Variants in CCSER1 observed in about 807,000 individuals in gnomAD.
CCSER1 encodes coiled-coil serine rich protein 1.
CCSER1 carries 41 observed loss-of-function variants against 82.0 expected under a neutral mutation model. The observed-to-expected ratio is 0.50, with a 90% CI of 0.39 to 0.65. The LOEUF (loss-of-function observed/expected upper bound fraction) is 0.65. Among genes scored for constraint, CCSER1 ranks in the 30% least tolerant of loss-of-function variants. CCSER1 has a pLI of 0.00. For missense variants in CCSER1, 1,119 were observed against 1,064.2 expected, an observed-to-expected ratio of 1.05 and a Z score of -0.72; for synonymous variants, 414 against 383.9, an observed-to-expected ratio of 1.08 and a Z score of -0.92.
intron 1 of CCSER1, among the ~76,000 whole-genome samples, chr4:90,265,055 C>T (rs889153445): frequency 6.6e-6 from 1 of 151,954 alleles, no homozygotes. Context: ...TCTTGTATCT[C>T]AGATAGCTTA....
chr4:91,211,771 C>T (rs1736842132), intron 10 of CCSER1, among the ~76,000 whole-genome samples: 1 of 152,008 alleles, frequency 6.6e-6, no homozygotes, highest in East Asian at 1.9e-4. Context: ...TAATTTAAAA[C>T]AAAGTGATTA....
chr4:91,364,306 G>C (rs1216320470), intron 10 of CCSER1, among the ~76,000 whole-genome samples: 1 of 151,872 alleles, frequency 6.6e-6, no homozygotes, highest in Non-Finnish European at 1.5e-5. Flanking sequence ...ATTAGGCCTA[G>C]AAAAGACTAA....
chr4:91,227,264 C>G (rs2149109434), intron 10 of CCSER1, among the ~76,000 whole-genome samples: 1 of 151,568 alleles, frequency 6.6e-6, no homozygotes, highest in Admixed American at 6.6e-5. Context: ...ATAGCTACAA[C>G]TTAAAACAAC....
chr4:90,476,501 T>G (rs1439209223), intron 5 of CCSER1, among the ~76,000 whole-genome samples: 1 of 152,148 alleles, frequency 6.6e-6, no homozygotes, highest in Admixed American at 6.5e-5. Context: ...AACTATGCTG[T>G]ATTACTGGTA....
At chr4:91,116,579 G>A (rs1726625811) in intron 10 of CCSER1, among the ~76,000 whole-genome samples, 2 of 152,148 alleles carry the variant, frequency 1.3e-5, no homozygotes, top group African/African-American at 4.8e-5. Flanking sequence ...AGAATTAAAT[G>A]GGCCAAAATA....
At chr4:90,947,005 T>C (rs1024324983) in intron 9 of CCSER1, among the ~76,000 whole-genome samples, 2 of 152,220 alleles carry the variant, frequency 1.3e-5, no homozygotes, top group Non-Finnish European at 2.9e-5. Context: ...CCTCCTCTGT[T>C]ATGTTGCAGT....
chr4:91,229,997 TA>T (rs957086327), intron 10 of CCSER1, among the ~76,000 whole-genome samples: 5 of 152,006 alleles, frequency 3.3e-5, no homozygotes, highest in Non-Finnish European at 7.4e-5. Flanking sequence ...AACTTAAAGT[TA>T]AAAAAAATTA....
At chr4:90,529,629 T>C (rs1037595861) in intron 5 of CCSER1, among the ~76,000 whole-genome samples, 6 of 152,240 alleles carry the variant, frequency 3.9e-5, no homozygotes, top group African/African-American at 1.2e-4. Context: ...AAGAATGGTA[T>C]ACAGAAACTA....
intron 1 of CCSER1, among the ~76,000 whole-genome samples, chr4:90,226,005 T>C (rs1743093570): frequency 6.6e-6 from 1 of 152,196 alleles, no homozygotes; most frequent in African/African-American, 2.4e-5. Flanking sequence ...TTCACTCTCT[T>C]GGACCCCTAG....
At chr4:91,582,116 T>G (rs1396588589) in intron 10 of CCSER1, among the ~76,000 whole-genome samples, 2 of 151,650 alleles carry the variant, frequency 1.3e-5, no homozygotes, top group African/African-American at 2.4e-5. Context: ...CTTGTATTAT[T>G]GTATTTGAGT....
At chr4:90,401,196 T>G (rs141228341) in intron 4 of CCSER1, among the ~76,000 whole-genome samples, 1,547 of 152,340 alleles carry the variant, frequency 0.01, 17 homozygotes, top group South Asian at 0.03. Flanking sequence ...TACCACTTTA[T>G]GATAAAAATT....
chr4:91,106,183 G>A (rs1024017558), intron 10 of CCSER1, among the ~76,000 whole-genome samples: 2 of 152,282 alleles, frequency 1.3e-5, no homozygotes, highest in Middle Eastern at 3.4e-3. Flanking sequence ...TCATGGGCCA[G>A]GTGTTGTTGT....
At chr4:91,012,340 A>G (rs1450991300) in intron 9 of CCSER1, among the ~76,000 whole-genome samples, 2 of 133,436 alleles carry the variant, frequency 1.5e-5, no homozygotes, top group African/African-American at 2.5e-5. Context: ...CAGCTCTGCC[A>G]AGGCACTCTT....
intron 8 of CCSER1, among the ~76,000 whole-genome samples, chr4:90,858,782 T>C (rs1764740415): frequency 6.6e-6 from 1 of 151,922 alleles, no homozygotes; most frequent in Non-Finnish European, 1.5e-5. Flanking sequence ...CTCTACAGAA[T>C]TGATAAATTT....
At chr4:91,517,712 A>G (rs939206108) in intron 10 of CCSER1, among the ~76,000 whole-genome samples, 5 of 151,804 alleles carry the variant, frequency 3.3e-5, no homozygotes, top group African/African-American at 1.2e-4. Context: ...TTGAGTTACC[A>G]GAGTTCTTAC....
intron 7 of CCSER1, among the ~76,000 whole-genome samples, chr4:90,771,565 T>TAA (rs34848155): frequency 0.026 from 2,568 of 98,262 alleles, 64 homozygotes; most frequent in African/African-American, 0.068. Context: ...TGCCGGGCAC[T>TAA]AAAAAAAAAA....
Position 91,225,962 on chromosome 4 carries a change from A to G in CCSER1, c.2217+139968A>G, listed in dbSNP as rs529502655. On this transcript the variant is annotated intron_variant, in intron 10 of 10. Coordinates refer to ENST00000509176, the MANE Select transcript of CCSER1 (RefSeq NM_001145065.2). ...TATGGTCTGAATAAGGGAAGTAGAA[A>G]TAATTTGTAAGTTGACAGACAAAAA... 3.3e-5 allele frequency among the ~76,000 whole-genome samples: 5 copies of G among 152,068 alleles called. No individual in the cohort carries two copies. In the East Asian group the frequency reaches 9.7e-4, roughly 29 times the overall value.
At chr4:90,672,427 T>C (rs11939937) in intron 6 of CCSER1, among the ~76,000 whole-genome samples, 69,775 of 151,796 alleles carry the variant, frequency 0.46, 16,428 homozygotes, top group Middle Eastern at 0.58. Flanking sequence ...CCTCACTTCT[T>C]TTAGCCTTCA....
chr4:90,622,568 T>C (rs1722518680), intron 5 of CCSER1, among the ~76,000 whole-genome samples: 1 of 152,138 alleles, frequency 6.6e-6, no homozygotes, highest in Non-Finnish European at 1.5e-5. Context: ...GGTTTCCAGC[T>C]TCATCCATGT....
Sources: allele counts gnomAD v4.1 joint callset (sites outside exome capture counted in the v4.1 genomes callset), GRCh38; gene constraint gnomAD v4.1.1; transcripts MANE v1.5; gene names NCBI Gene and HGNC (gene_info 2026-07-23, HGNC 2026-07-21).